HNRNPA2B1: variants seen among roughly 807,000 people sequenced by gnomAD.
The protein encoded by HNRNPA2B1 is heterogeneous nuclear ribonucleoprotein A2/B1, also known as heterogeneous nuclear ribonucleoproteins A2/B1.
In HNRNPA2B1, 3 loss-of-function variants were observed where a neutral mutation model predicts 46.3. That is an observed-to-expected ratio of 0.06 (90% CI 0.03 to 0.17). HNRNPA2B1 has a LOEUF of 0.17. Ranked by LOEUF, HNRNPA2B1 falls within the 10% of genes least tolerant of loss-of-function variation. The pLI, the probability that HNRNPA2B1 is intolerant of heterozygous loss-of-function variation, is 1.00. For missense variants in HNRNPA2B1, 221 were observed against 418.9 expected (o/e 0.53, Z 4.12); for synonymous variants, 225 against 133.8 (o/e 1.68, Z -4.70).
intron 7 of HNRNPA2B1, among the ~76,000 whole-genome samples, chr7:26,194,830 C>G (rs142068077): frequency 3.2e-4 from 49 of 151,258 alleles, no homozygotes; most frequent in Non-Finnish European, 6.2e-4. Context: ...CATGGTTGCT[C>G]ACGCCTGTAA....
intron 7 of HNRNPA2B1, 40 bp downstream of exon 7, chr7:26,195,807 T>G: frequency 1.2e-6 from 2 of 1,600,286 alleles, no homozygotes; most frequent in East Asian, 2.2e-5. Flanking sequence ...TAGTTAAGTA[T>G]TAGTCACATA....
In HNRNPA2B1 at chr7:26,191,270, T is replaced by TA. The variant is rs1175847201; in HGVS notation, c.*1089dup. ...ATGACAGATTGGAAAACAGGGTTTA[T>TA]AAAAATTATTCTCTTGAGTTTATAA... On this transcript the variant is annotated 3_prime_UTR_variant, in exon 11 of 11. Coordinates refer to ENST00000618183, the MANE Select transcript of HNRNPA2B1 (RefSeq NM_002137.4). 5.3e-5 allele frequency: 8 copies of TA among 152,194 alleles called. No individual in the cohort carries two copies. Among genetic ancestry groups the TA allele is most frequent in the African/African-American group, 1.9e-4 (8 of 41,448 alleles). 9.4% of individuals were successfully genotyped at this position (152,194 alleles called of 1,614,324 possible). A position where few individuals can be genotyped will look rare whatever the true frequency, so the allele number is the denominator to read the frequency against.
chr7:26,193,433 A>T, intron 8 of HNRNPA2B1, 60 bp from the exon 9 acceptor site: 1 of 1,555,906 alleles, frequency 6.4e-7, no homozygotes, highest in Non-Finnish European at 8.7e-7. Context: ...CTTAGGACAA[A>T]GCTCCCATAA....
chr7:26,199,382 A>T (rs566121293), intron 1 of HNRNPA2B1: 36 of 152,472 alleles, frequency 2.4e-4, no homozygotes, highest in African/African-American at 7.9e-4. Flanking sequence ...AGAGCGGCCC[A>T]GGCCCAAAAC....
At chr7:26,195,120 T>TAAAAAA (rs1491258554) in intron 7 of HNRNPA2B1, among the ~76,000 whole-genome samples, 1 of 121,750 alleles carries the variant, frequency 8.2e-6, no homozygotes, top group Non-Finnish European at 1.6e-5. Context: ...AGAAACCATA[T>TAAAAAA]TAAAAAAAAA....
chr7:26,192,543 CCCACTTCCT>C lies in HNRNPA2B1; in HGVS notation c.990_998del (p.Ser332_Gly334del). 6.2e-7 allele frequency: 1 copy of C among 1,614,056 alleles called. No homozygotes were observed. Among genetic ancestry groups the C allele is most frequent in the Non-Finnish European group, 8.5e-7 (1 of 1,179,918 alleles). On this transcript the variant is annotated inframe_deletion, in exon 10 of 11. Coordinates refer to ENST00000618183, the MANE Select transcript of HNRNPA2B1 (RefSeq NM_002137.4). The stretch of plus-strand genomic sequence containing the variant: ...AGTATCGGCTCCTCCCACCATAACC[CCCACTTCCT>C]CCACTGCCTCCTGGACCATAGTTTC...
At chr7:26,192,627 T>C (rs761224771) in intron 9 of HNRNPA2B1, 50 bp from the exon 10 acceptor site, 3 of 1,457,044 alleles carry the variant, frequency 2.1e-6, no homozygotes, top group African/African-American at 2.8e-5. Context: ...TGATTTCCCA[T>C]GATCAGCCTA....
At chr7:26,198,120 C>A in intron 1 of HNRNPA2B1, 1 of 347,386 alleles carries the variant, frequency 2.9e-6, no homozygotes. Context: ...TTCAACCCTA[C>A]AACCTAAAAA....
chr7:26,193,199 G>A (rs1190609123), intron 9 of HNRNPA2B1, 52 bp downstream of exon 9: 9 of 1,559,952 alleles, frequency 5.8e-6, no homozygotes, highest in African/African-American at 4.1e-5. Context: ...AGTCACAAAA[G>A]GCTAATCCTT....
intron 7 of HNRNPA2B1, among the ~76,000 whole-genome samples, chr7:26,194,475 G>A (rs368958161): frequency 6.6e-6 from 1 of 151,896 alleles, no homozygotes; most frequent in Admixed American, 6.6e-5. Flanking sequence ...GAGGCGGGTG[G>A]ATTGCTTGAG....
intron 1 of HNRNPA2B1, chr7:26,200,158 C>T: frequency 4.4e-6 from 1 of 225,016 alleles, no homozygotes. Context: ...AATCCGGTTC[C>T]CGGGAGAGAG....
At position 26,200,674 on chromosome 7, in the gene HNRNPA2B1, G is replaced by C. The variant is rs141936134; in HGVS notation, c.-97C>G. ...GAACCGGACTCGTCCTGGCGCTGTA[G>C]TGAGAACTGCCGCTGCTCGAGAAAC... On this transcript the variant is annotated 5_prime_UTR_variant, in exon 1 of 11. Coordinates refer to ENST00000618183, the MANE Select transcript of HNRNPA2B1 (RefSeq NM_002137.4). 4.7e-3 allele frequency: 6,934 copies of C among 1,471,108 alleles called. 25 individuals carry two copies. The highest frequency in any genetic ancestry group is 7.3e-3 in the South Asian group (643 of 88,200). 91.1% of individuals were successfully genotyped at this position (1,471,108 alleles called of 1,614,324 possible).
At chr7:26,198,007 A>C in intron 1 of HNRNPA2B1, 1 of 452,230 alleles carries the variant, frequency 2.2e-6, no homozygotes, top group South Asian at 5.7e-5. Context: ...ACTCAACATT[A>C]AATTATCTTA....
chr7:26,193,385 T>C lies in HNRNPA2B1; in HGVS notation c.842-12A>G, dbSNP rs201433539. Reference sequence around the variant, plus strand: ...ACTTCCATAATTTCCTATTAAAAAATTGGAATACTCAGAACAATACAAACA... The same window carrying C: ...ACTTCCATAATTTCCTATTAAAAAACTGGAATACTCAGAACAATACAAACA... On this transcript the variant is annotated splice_polypyrimidine_tract_variant and intron_variant, in intron 8 of 10. Coordinates refer to ENST00000618183, the MANE Select transcript of HNRNPA2B1 (RefSeq NM_002137.4). 2.2e-5 allele frequency: 35 copies of C among 1,609,272 alleles called. No homozygotes were observed. The Admixed American group carries it at 2.8e-4, about 13-fold the overall frequency.
chr7:26,192,361 T>G, intron 10 of HNRNPA2B1, 23 bp from the exon 11 acceptor site: 1 of 574,222 alleles, frequency 1.7e-6, no homozygotes, highest in Non-Finnish European at 3.1e-6. Flanking sequence ...AAGTAAAGAG[T>G]AAAAAAAAAA....
Position 26,193,681 on chromosome 7 carries a change from T to G in HNRNPA2B1, c.735A>C (p.Gly245=). ...TTCCTCCTCCATAACCGGGGCTACC[T>G]CCAAAATTGCCACCTATTATAAAAT... ...YGGGPGGGNF[G]GSPGYGGGRG... Residue 245 remains glycine, a synonymous_variant, in exon 8 of 11, where the codon GGA becomes GGC. Coordinates refer to ENST00000618183, the MANE Select transcript of HNRNPA2B1 (RefSeq NM_002137.4). 6.2e-7 allele frequency: 1 copy of G among 1,611,566 alleles called. No individual in the cohort carries two copies. Among genetic ancestry groups the G allele is most frequent in the Non-Finnish European group, 8.5e-7 (1 of 1,178,834 alleles).
chr7:26,196,066 A>G (rs982381846), intron 6 of HNRNPA2B1, among the ~76,000 whole-genome samples, 157 bp from the exon 7 acceptor site: 3 of 152,266 alleles, frequency 2.0e-5, no homozygotes, highest in African/African-American at 7.2e-5. Context: ...ATGAAAGCAT[A>G]TAATTAAATC....
At chr7:26,195,427 G>A (rs1324806005) in intron 7 of HNRNPA2B1, among the ~76,000 whole-genome samples, 3 of 152,168 alleles carry the variant, frequency 2.0e-5, no homozygotes, top group East Asian at 1.9e-4. Context: ...GAACATTTCC[G>A]TAGGTTACGC....
chr7:26,190,594 T>C lies in HNRNPA2B1; in HGVS notation c.*1766A>G, dbSNP rs909523638. Reference sequence around the variant, plus strand: ...GAGTAAGCCCTGAGTATCACATTCCTGTAAAGGCAATAAAGCCGGGCAATC... The same window carrying C: ...GAGTAAGCCCTGAGTATCACATTCCCGTAAAGGCAATAAAGCCGGGCAATC... On this transcript the variant is annotated 3_prime_UTR_variant, in exon 11 of 11. Transcript: ENST00000618183. 1.3e-5 allele frequency: 2 copies of C among 152,322 alleles called. No homozygotes were observed. Among genetic ancestry groups the C allele is most frequent in the African/African-American group, 2.4e-5 (1 of 41,572 alleles). The allele number at this position is 152,322 out of a possible 1,614,324, so 9.4% of individuals were successfully genotyped here. A position where few individuals can be genotyped will look rare whatever the true frequency, so the allele number is the denominator to read the frequency against.
Sources: gnomAD v4.1 joint callset for allele counts (sites outside exome capture counted in the v4.1 genomes callset) on GRCh38, gnomAD v4.1.1 for gene constraint, MANE v1.5 for transcripts, NCBI Gene and HGNC (gene_info 2026-07-23, HGNC 2026-07-21) for gene names.